Variants in PRR16 observed in about 807,000 individuals in gnomAD.
PRR16 encodes the protein proline rich 16.
A neutral mutation model predicts 18.2 loss-of-function variants in PRR16; 6 were observed. The ratio of observed to expected loss-of-function variants is 0.33; its 90% CI spans 0.18 to 0.65. PRR16 has a LOEUF of 0.65. Ranked by LOEUF, PRR16 falls within the 30% of genes least tolerant of loss-of-function variation. The pLI is 0.74. For missense variants in PRR16, 412 were observed against 376.6 expected (o/e 1.09, Z -0.78); for synonymous variants, 151 against 147.8 (o/e 1.02, Z -0.16).
intron 1 of PRR16, among the ~76,000 whole-genome samples, chr5:120,611,873 G>A (rs965691972): frequency 2.0e-5 from 3 of 152,142 alleles, no homozygotes; most frequent in African/African-American, 4.8e-5. Flanking sequence ...TAGCTCTACC[G>A]ACAGCTTGCA....
At chr5:120,618,619 C>A in intron 1 of PRR16, 1 of 839,330 alleles carries the variant, frequency 1.2e-6, no homozygotes, top group Non-Finnish European at 1.4e-6. Flanking sequence ...AAAAGGTATA[C>A]TGAAAAGAAA....
intron 1 of PRR16, among the ~76,000 whole-genome samples, chr5:120,479,542 G>A (rs1489503245): frequency 6.6e-6 from 1 of 151,954 alleles, no homozygotes; most frequent in African/African-American, 2.4e-5. Flanking sequence ...ATATTAAAAT[G>A]TTATTTAAAT....
chr5:120,493,708 C>T (rs930135088), intron 1 of PRR16, among the ~76,000 whole-genome samples: 1 of 152,154 alleles, frequency 6.6e-6, no homozygotes, highest in Non-Finnish European at 1.5e-5. Context: ...GACTTCCTAG[C>T]CCCGGACAAT....
chr5:120,567,208 C>A (rs1228002794), intron 1 of PRR16, among the ~76,000 whole-genome samples: 1 of 152,050 alleles, frequency 6.6e-6, no homozygotes, highest in Admixed American at 6.6e-5. Context: ...CAGTTTTGGC[C>A]CATAACTGGA....
At chr5:120,699,830 A>G in the PRR16 span, among the ~76,000 whole-genome samples, 4 of 152,192 alleles carry the variant, frequency 2.6e-5, no homozygotes, top group African/African-American at 9.7e-5. Context: ...CTGGGGTTTG[A>G]GAGATCAGTC....
chr5:120,628,689 T>A (rs1754951310), intron 1 of PRR16, among the ~76,000 whole-genome samples: 1 of 142,034 alleles, frequency 7.0e-6, no homozygotes, highest in African/African-American at 2.6e-5. Flanking sequence ...CTATCTATCA[T>A]TCTACCATCT....
At chr5:120,470,966 T>G (rs1488200147) in intron 1 of PRR16, among the ~76,000 whole-genome samples, 4 of 152,286 alleles carry the variant, frequency 2.6e-5, no homozygotes, top group South Asian at 2.1e-4. Flanking sequence ...AATTCTCAAT[T>G]CATATTGCCA....
intron 1 of PRR16, among the ~76,000 whole-genome samples, chr5:120,499,244 G>T (rs1561518455): frequency 6.6e-6 from 1 of 151,810 alleles, no homozygotes; most frequent in South Asian, 2.1e-4. Context: ...CCAGTAGTTG[G>T]GATTACAGGC....
intron 1 of PRR16, among the ~76,000 whole-genome samples, chr5:120,504,017 A>ATTTTC (rs752962721): frequency 6.6e-6 from 1 of 151,008 alleles, no homozygotes; most frequent in African/African-American, 2.4e-5. Context: ...TATGTGCCAC[A>ATTTTC]TTTTCTTTTC....
At chr5:120,642,472 G>T (rs1374908885) in intron 1 of PRR16, among the ~76,000 whole-genome samples, 2 of 151,914 alleles carry the variant, frequency 1.3e-5, no homozygotes, top group Non-Finnish European at 2.9e-5. Flanking sequence ...CAGTGCATCT[G>T]CAGGGAAGAA....
In PRR16 at chr5:120,646,048, T is replaced by TTATATATATATATATATATATA. The variant is rs10606917; in HGVS notation, c.160-39900_160-39879dup. On this transcript the variant is annotated intron_variant, in intron 1 of 1. Coordinates refer to ENST00000407149, the MANE Select transcript of PRR16 (RefSeq NM_001300783.2). ...CAAATTACAAAAAAAAATACATATT[T>TTATATATATATATATATATATA]TATATATATATATATATATATATAT... 5.4e-3 allele frequency among the ~76,000 whole-genome samples: 568 copies of TTATATATATATATATATATATA among 104,614 alleles called. 10 individuals carry two copies. The highest frequency in any genetic ancestry group is 0.012 in the South Asian group (36 of 2,926). 68.6% of individuals were successfully genotyped at this position (104,614 alleles called of 152,430 possible).
chr5:120,485,835 T>C (rs1034992876), intron 1 of PRR16, among the ~76,000 whole-genome samples: 1 of 152,116 alleles, frequency 6.6e-6, no homozygotes, highest in African/African-American at 2.4e-5. Context: ...GAGTGTGATG[T>C]TCCCCTTCCT....
At chr5:120,775,796 ATTTTTT>A in the PRR16 span, among the ~76,000 whole-genome samples, 4 of 80,618 alleles carry the variant, frequency 5.0e-5, no homozygotes, top group African/African-American at 8.5e-5. Flanking sequence ...ACGCCTGGCT[ATTTTTT>A]TTTTTTTTTT....
chr5:120,644,527 G>A (rs989086893), intron 1 of PRR16, among the ~76,000 whole-genome samples: 2 of 152,226 alleles, frequency 1.3e-5, no homozygotes, highest in African/African-American at 4.8e-5. Flanking sequence ...ACAGGACTTT[G>A]CAAAATATCT....
chr5:120,563,127 G>C (rs928422887), intron 1 of PRR16, among the ~76,000 whole-genome samples: 23 of 152,076 alleles, frequency 1.5e-4, no homozygotes, highest in Non-Finnish European at 1.2e-4. Flanking sequence ...CTTCATGCTT[G>C]AGGGATATTT....
At chr5:120,781,810 A>G in the PRR16 span, among the ~76,000 whole-genome samples, 2 of 152,256 alleles carry the variant, frequency 1.3e-5, no homozygotes, top group South Asian at 2.1e-4. Flanking sequence ...ATTAATATCT[A>G]TAGCTTATTT....
intron 1 of PRR16, among the ~76,000 whole-genome samples, chr5:120,511,360 C>T (rs1750819795): frequency 6.6e-6 from 1 of 152,068 alleles, no homozygotes; most frequent in Non-Finnish European, 1.5e-5. Context: ...GTTCATTTTC[C>T]ACATTTTTCC....
At chr5:120,573,126 T>C (rs865901677) in intron 1 of PRR16, among the ~76,000 whole-genome samples, 12 of 152,312 alleles carry the variant, frequency 7.9e-5, no homozygotes, top group Middle Eastern at 3.4e-3. Flanking sequence ...TGTAGGGCCA[T>C]GGGCATTTGC....
chr5:120,596,921 T>C (rs1753832142), intron 1 of PRR16, among the ~76,000 whole-genome samples: 1 of 151,758 alleles, frequency 6.6e-6, no homozygotes, highest in Non-Finnish European at 1.5e-5. Flanking sequence ...GCATTTTTAT[T>C]TCCAGGAACT....
Sources: gnomAD v4.1 joint callset for allele counts (sites outside exome capture counted in the v4.1 genomes callset) on GRCh38, gnomAD v4.1.1 for gene constraint, MANE v1.5 for transcripts, NCBI Gene and HGNC (gene_info 2026-07-23, HGNC 2026-07-21) for gene names.